TTC39C: variants seen among roughly 807,000 people sequenced by gnomAD.
The protein encoded by TTC39C is tetratricopeptide repeat protein 39C.
Under a neutral mutation model 76.3 loss-of-function variants are expected in TTC39C, and 33 were observed. The observed-to-expected ratio is 0.43, with a 90% confidence interval of 0.33 to 0.58. The LOEUF (loss-of-function observed/expected upper bound fraction) is 0.58. Ranked by LOEUF, TTC39C falls within the 20% of genes least tolerant of loss-of-function variation. The pLI, the probability that TTC39C is intolerant of heterozygous loss-of-function variation, is 0.04. For missense variants in TTC39C, 595 were observed against 701.4 expected, an observed-to-expected ratio of 0.85 and a Z score of 1.71; for synonymous variants, 254 against 260.6, an observed-to-expected ratio of 0.97 and a Z score of 0.24.
chr18:24,076,062 C>T (rs888010769), intron 4 of TTC39C, among the ~76,000 whole-genome samples: 1 of 152,182 alleles, frequency 6.6e-6, no homozygotes, highest in African/African-American at 2.4e-5. Context: ...CTACAACCTC[C>T]ACCTCCTGGT....
At chr18:24,017,854 A>G (rs1365941531) in intron 1 of TTC39C, among the ~76,000 whole-genome samples, 1 of 152,224 alleles carries the variant, frequency 6.6e-6, no homozygotes, top group Admixed American at 6.5e-5. Context: ...ACAATTTAAC[A>G]GTAGAAACGT....
rs565070242 is a variant in TTC39C at position 24,131,556 on chromosome 18, A to G, written c.1624-326A>G. On this transcript the variant is annotated intron_variant, in intron 12 of 13. Coordinates refer to ENST00000317571, the MANE Select transcript of TTC39C (RefSeq NM_001135993.2). ...TCCCGTCTCTACTAAAAATACAAAA[A>G]TTAGCTGGGCATAGTGGCAGGTGCC... Among the ~76,000 whole-genome samples the G allele has an allele frequency of 3.6e-3, 554 of 151,974 alleles. 2 individuals carry two copies. Among genetic ancestry groups the G allele is most frequent in the Non-Finnish European group, 6.0e-3 (406 of 67,960 alleles).
chr18:24,075,873 CT>C (rs745963797), intron 4 of TTC39C, among the ~76,000 whole-genome samples: 14 of 152,160 alleles, frequency 9.2e-5, no homozygotes, highest in Non-Finnish European at 2.1e-4. Context: ...TTTCATGTAA[CT>C]TGATATTCCC....
At chr18:24,046,520 C>T (rs935758397) in intron 1 of TTC39C, among the ~76,000 whole-genome samples, 2 of 151,790 alleles carry the variant, frequency 1.3e-5, no homozygotes, top group Non-Finnish European at 2.9e-5. Context: ...TTTTCTAGAG[C>T]CTGTGCTTTT....
intron 1 of TTC39C, among the ~76,000 whole-genome samples, chr18:24,046,094 A>T (rs949381392): frequency 6.6e-6 from 1 of 151,060 alleles, no homozygotes; most frequent in Non-Finnish European, 1.5e-5. Flanking sequence ...GCCCGCCACC[A>T]CACCCAGCTA....
rs1317629177 is a variant in TTC39C at position 24,019,829 on chromosome 18, C to T, written c.167+4791C>T. ...GTCAGAGACCATATGGCATGCAAAG[C>T]CTAAAATATCTACTCTCTGGCCTTT... On this transcript the variant is annotated intron_variant, in intron 1 of 13. Transcript: ENST00000317571. The T allele has an allele frequency of 4.0e-6, 6 of 1,515,004 alleles. No homozygotes were observed. The East Asian group carries it at 1.2e-4, about 31-fold the overall frequency. The allele number at this position is 1,515,004 out of a possible 1,614,324, so 93.8% of individuals were successfully genotyped here.
In TTC39C at chr18:24,128,921, T is replaced by G; in HGVS notation, c.1456T>G (p.Leu486Val). The change falls in exon 11 of 14, where the codon TTA (leucine) becomes GTA (valine). Residue 486 changes from leucine to valine, a missense_variant. Coordinates refer to ENST00000317571, the MANE Select transcript of TTC39C (RefSeq NM_001135993.2). Reference sequence around the variant, plus strand: ...AGTGGATGACTCATCTGTTGTTGGATTAAAGTATTTGCTTCTTGGTGCCAT... The same window carrying G: ...AGTGGATGACTCATCTGTTGTTGGAGTAAAGTATTTGCTTCTTGGTGCCAT... ...HEVDDSSVVGLKYLLLGAIHK... is the reference protein window; with the variant it reads ...HEVDDSSVVGVKYLLLGAIHK... The G allele has an allele frequency of 6.2e-7, 1 of 1,613,706 alleles. No individual in the cohort carries two copies. The highest frequency in any genetic ancestry group is 8.5e-7 in the Non-Finnish European group (1 of 1,179,820).
At chr18:24,129,178 C>T (rs1056697828) in intron 11 of TTC39C, among the ~76,000 whole-genome samples, 195 bp downstream of exon 11, 2 of 152,198 alleles carry the variant, frequency 1.3e-5, no homozygotes, top group Non-Finnish European at 2.9e-5. Flanking sequence ...TAATTAACTT[C>T]ATATTCTTAG....
intron 6 of TTC39C, among the ~76,000 whole-genome samples, chr18:24,109,819 A>T (rs1043512065): frequency 6.6e-6 from 1 of 152,158 alleles, no homozygotes; most frequent in African/African-American, 2.4e-5. Flanking sequence ...AGCCTGGCCA[A>T]CATGGTGAAA....
chr18:24,063,479 T>G (rs9958615), intron 1 of TTC39C, among the ~76,000 whole-genome samples: 1 of 151,558 alleles, frequency 6.6e-6, no homozygotes, highest in South Asian at 2.1e-4. Context: ...TGTCTTTCTT[T>G]GGCCATGTTT....
At chr18:24,101,734 T>C (rs193194620) in intron 6 of TTC39C, among the ~76,000 whole-genome samples, 2 of 152,366 alleles carry the variant, frequency 1.3e-5, no homozygotes, top group East Asian at 3.9e-4. Flanking sequence ...TATCTGTTTG[T>C]CTTGAAATGC....
chr18:24,083,696 C>T (rs897894018), intron 6 of TTC39C, among the ~76,000 whole-genome samples: 5 of 152,288 alleles, frequency 3.3e-5, no homozygotes, highest in Admixed American at 1.3e-4. Flanking sequence ...TGTGCTTGCC[C>T]AGTGAGTGAG....
chr18:24,074,097 A>T (rs532526223), intron 4 of TTC39C, among the ~76,000 whole-genome samples: 1 of 152,358 alleles, frequency 6.6e-6, no homozygotes, highest in Non-Finnish European at 1.5e-5. Context: ...GTTTGGCAGT[A>T]GGAACAAATA....
At chr18:24,132,258 C>T (rs553351608) in intron 13 of TTC39C, among the ~76,000 whole-genome samples, 1 of 152,096 alleles carries the variant, frequency 6.6e-6, no homozygotes. Flanking sequence ...AAGAATAACT[C>T]GAGGAAAATT....
At chr18:24,061,565 AAGTT>A in intron 1 of TTC39C, among the ~76,000 whole-genome samples, 1 of 146,474 alleles carries the variant, frequency 6.8e-6, no homozygotes, top group Non-Finnish European at 1.5e-5. Flanking sequence ...CAGATGCAGT[AAGTT>A]AACTTAGGAT....
intron 3 of TTC39C, 149 bp downstream of exon 3, chr18:24,066,289 A>C: frequency 9.4e-7 from 1 of 1,062,096 alleles, no homozygotes; most frequent in Non-Finnish European, 1.3e-6. Flanking sequence ...TGGTTATATA[A>C]AATGTTATCT....
chr18:24,046,636 T>A lies in TTC39C; in HGVS notation c.168-17504T>A, dbSNP rs529549616. Among the ~76,000 whole-genome samples, 270 of 151,998 alleles carry A rather than the reference T, an allele frequency of 1.8e-3. 7 individuals are homozygous for A. Among genetic ancestry groups the A allele is most frequent in the African/African-American group, 6.3e-3 (258 of 41,256 alleles). ...TTGGCTAACAGTCTGTATTCCTCAA[T>A]ATTCTAGTTATTCTTGTTTCTCAAT... is the stretch of plus-strand genomic sequence containing the variant. On this transcript the variant is annotated intron_variant, in intron 1 of 13. Transcript: ENST00000317571.
At chr18:24,131,744 C>T in intron 12 of TTC39C, 138 bp from the exon 13 acceptor site, 1 of 643,986 alleles carries the variant, frequency 1.6e-6, no homozygotes. Flanking sequence ...ATATTGGAGT[C>T]ATTATACTTG....
intron 2 of TTC39C, among the ~76,000 whole-genome samples, chr18:24,064,732 T>A (rs2298597): frequency 0.064 from 9,758 of 151,994 alleles, 607 homozygotes; most frequent in African/African-American, 0.16. Flanking sequence ...ATAATTTTTT[T>A]AAAAGACTAT....
Sources: gnomAD v4.1 joint callset for allele counts (sites outside exome capture counted in the v4.1 genomes callset) on GRCh38, gnomAD v4.1.1 for gene constraint, MANE v1.5 for transcripts, NCBI Gene and HGNC (gene_info 2026-07-23, HGNC 2026-07-21) for gene names.